TRIM44: variants seen among roughly 807,000 people sequenced by gnomAD.
The protein encoded by TRIM44 is tripartite motif-containing protein 44.
TRIM44 carries 13 observed loss-of-function variants against 37.4 expected under a neutral mutation model. The observed-to-expected ratio is 0.35, with a 90% CI of 0.23 to 0.55. The LOEUF is 0.55. Among genes scored for constraint, TRIM44 ranks in the 20% least tolerant of loss-of-function variants. The probability of loss-of-function intolerance (pLI) is 0.89; values close to 1 mark genes in which losing one functional copy is unlikely to be tolerated. For missense variants in TRIM44, 426 were observed against 437.2 expected, an observed-to-expected ratio of 0.97 and a Z score of 0.23; for synonymous variants, 175 against 157.2, an observed-to-expected ratio of 1.11 and a Z score of -0.85.
intron 4 of TRIM44, among the ~76,000 whole-genome samples, chr11:35,791,094 G>A (rs754698210): frequency 1.3e-5 from 2 of 152,110 alleles, no homozygotes; most frequent in Non-Finnish European, 2.9e-5. Flanking sequence ...TCCTGGACAA[G>A]TGAGTCTGGC....
intron 4 of TRIM44, among the ~76,000 whole-genome samples, chr11:35,776,927 T>A (rs1261706396): frequency 1.3e-5 from 2 of 152,240 alleles, no homozygotes; most frequent in Non-Finnish European, 2.9e-5. Flanking sequence ...AGAATGTATA[T>A]TCTGTTGATT....
chr11:35,708,746 C>G (rs1294699693), intron 2 of TRIM44, among the ~76,000 whole-genome samples: 1 of 151,792 alleles, frequency 6.6e-6, no homozygotes, highest in African/African-American at 2.4e-5. Flanking sequence ...GAACATCACA[C>G]TCTGGGGACT....
chr11:35,710,997 A>G (rs1012217726), intron 2 of TRIM44, among the ~76,000 whole-genome samples: 7 of 152,214 alleles, frequency 4.6e-5, no homozygotes, highest in Admixed American at 3.9e-4. Context: ...AGGCAAATAT[A>G]TAGAGATAGA....
intron 4 of TRIM44, among the ~76,000 whole-genome samples, chr11:35,754,323 G>A (rs1046399473): frequency 3.3e-5 from 5 of 152,218 alleles, no homozygotes; most frequent in African/African-American, 7.2e-5. Context: ...CATTCTGGAT[G>A]TAGTACAAAA....
At chr11:35,747,599 A>G (rs1852506992) in intron 4 of TRIM44, among the ~76,000 whole-genome samples, 1 of 152,084 alleles carries the variant, frequency 6.6e-6, no homozygotes, top group Non-Finnish European at 1.5e-5. Flanking sequence ...TTTATGAGAA[A>G]ATTTTTTCAT....
At chr11:35,797,537 C>T (rs752076558) in intron 4 of TRIM44, among the ~76,000 whole-genome samples, 5 of 152,140 alleles carry the variant, frequency 3.3e-5, no homozygotes, top group African/African-American at 4.8e-5. Flanking sequence ...TGGTCAAGGC[C>T]ACCTTCAACA....
At chr11:35,705,696 G>A (rs1203334889) in intron 2 of TRIM44, among the ~76,000 whole-genome samples, 1 of 147,574 alleles carries the variant, frequency 6.8e-6, no homozygotes, top group Admixed American at 6.8e-5. Flanking sequence ...CAGAAATAAA[G>A]ATGTTCTTTG....
intron 4 of TRIM44, among the ~76,000 whole-genome samples, chr11:35,784,715 C>G (rs1167158705): frequency 2.6e-5 from 4 of 152,160 alleles, no homozygotes; most frequent in Non-Finnish European, 1.5e-5. Flanking sequence ...GGGCAAGAAC[C>G]ATTCTAAAAC....
At chr11:35,705,459 ATTC>A (rs1339619851) in intron 2 of TRIM44, among the ~76,000 whole-genome samples, 1 of 152,218 alleles carries the variant, frequency 6.6e-6, no homozygotes, top group Non-Finnish European at 1.5e-5. Context: ...CAGAATATAC[ATTC>A]TTTTCAGCAC....
chr11:35,675,894 C>A lies in TRIM44; in HGVS notation c.670-9365C>A, dbSNP rs1007087586. 7.2e-5 allele frequency among the ~76,000 whole-genome samples: 11 copies of A among 152,178 alleles called. No homozygotes were observed. The Middle Eastern group carries it at 0.017, about 235-fold the overall frequency. On this transcript the variant is annotated intron_variant, in intron 1 of 4. Coordinates refer to ENST00000299413, the MANE Select transcript of TRIM44 (RefSeq NM_017583.6). Reference sequence around the variant, plus strand: ...GCTGCTTATGTTTCATTGGCCAGAACTCAATACCCTGGCCTTATCTAGTTG... The same window carrying A: ...GCTGCTTATGTTTCATTGGCCAGAAATCAATACCCTGGCCTTATCTAGTTG...
At chr11:35,729,265 G>A (rs1852222712) in intron 3 of TRIM44, among the ~76,000 whole-genome samples, 1 of 152,076 alleles carries the variant, frequency 6.6e-6, no homozygotes, top group South Asian at 2.1e-4. Flanking sequence ...CGCAGCAGTG[G>A]AGCCAGTGAG....
At chr11:35,779,590 A>G (rs1311607102) in intron 4 of TRIM44, among the ~76,000 whole-genome samples, 1 of 152,104 alleles carries the variant, frequency 6.6e-6, no homozygotes, top group Non-Finnish European at 1.5e-5. Flanking sequence ...TTATCTGTCC[A>G]AAAGCTCTTT....
At chr11:35,736,426 T>G (rs1417564513) in intron 4 of TRIM44, among the ~76,000 whole-genome samples, 6 of 152,226 alleles carry the variant, frequency 3.9e-5, no homozygotes, top group Admixed American at 1.3e-4. Flanking sequence ...TCAAGTCGCT[T>G]ATTAAAAGAA....
chr11:35,793,086 CA>C (rs1853235924), intron 4 of TRIM44, among the ~76,000 whole-genome samples: 1 of 149,372 alleles, frequency 6.7e-6, no homozygotes, highest in Non-Finnish European at 1.5e-5. Context: ...CCACAAGAAC[CA>C]AGATGAGAAT....
In TRIM44 at chr11:35,807,063, TA is replaced by T. The variant is rs1487392686; in HGVS notation, c.*679del. The T allele has an allele frequency of 1.2e-4, 19 of 152,106 alleles. No homozygotes were observed. The highest frequency in any genetic ancestry group is 4.3e-4 in the African/African-American group (18 of 41,508). 9.4% of individuals were successfully genotyped at this position (152,106 alleles called of 1,614,324 possible). ...TGAAGAGGTGGAACGGAAATGACCT[TA>T]GGGGGAAAAAAAAGGACCAAAGAAG... On this transcript the variant is annotated 3_prime_UTR_variant, in exon 5 of 5. Transcript: ENST00000299413.
rs575412366 is a variant in TRIM44 at position 35,776,328 on chromosome 11, T to C, written c.1008-30030T>C. On this transcript the variant is annotated intron_variant, in intron 4 of 4. Transcript: ENST00000299413. ...ATATCCTCTTCATCATTTTTTATTG[T>C]GTCTATTTGATTCTTCTGTTTTCTT... Among the ~76,000 whole-genome samples the C allele has an allele frequency of 1.9e-3, 285 of 152,304 alleles. 2 individuals carry two copies. The highest frequency in any genetic ancestry group is 6.6e-3 in the African/African-American group (274 of 41,582).
rs1199135090 is a variant in TRIM44 at position 35,813,531 on chromosome 11, AAGG to A, written c.*7151_*7153del. On this transcript the variant is annotated 3_prime_UTR_variant, in exon 5 of 5. Coordinates refer to ENST00000299413, the MANE Select transcript of TRIM44 (RefSeq NM_017583.6). ...ACTTTTAGAGGAAACAAGAAGGAAA[AAGG>A]AGGACAGCAATAGAGAAAATGGAAA... 1 of 152,158 alleles carries A rather than the reference AAGG, an allele frequency of 6.6e-6. No homozygotes were observed. Among genetic ancestry groups the A allele is most frequent in the African/African-American group, 2.4e-5 (1 of 41,436 alleles). The allele number at this position is 152,158 out of a possible 1,614,324, so 9.4% of individuals were successfully genotyped here.
chr11:35,747,171 T>C (rs1852502916), intron 4 of TRIM44, among the ~76,000 whole-genome samples: 1 of 152,220 alleles, frequency 6.6e-6, no homozygotes, highest in Non-Finnish European at 1.5e-5. Flanking sequence ...CAAAGACTAG[T>C]TAAAACTCAC....
At chr11:35,709,754 G>C (rs1227415256) in intron 2 of TRIM44, among the ~76,000 whole-genome samples, 3 of 152,178 alleles carry the variant, frequency 2.0e-5, no homozygotes, top group Non-Finnish European at 4.4e-5. Flanking sequence ...CACCTTACTT[G>C]TTCACTCAGC....
Sources: allele counts gnomAD v4.1 joint callset (sites outside exome capture counted in the v4.1 genomes callset), GRCh38; gene constraint gnomAD v4.1.1; transcripts MANE v1.5; gene names NCBI Gene and HGNC (gene_info 2026-07-23, HGNC 2026-07-21).